SYN3: variants seen among roughly 807,000 people sequenced by gnomAD.
SYN3 encodes synapsin III, also known as synapsin-3.
A neutral mutation model predicts 65.8 loss-of-function variants in SYN3; 35 were observed. The observed-to-expected ratio is 0.53, with a 90% CI of 0.41 to 0.70. The LOEUF (loss-of-function observed/expected upper bound fraction) is 0.70. Among genes scored for constraint, SYN3 ranks in the 30% least tolerant of loss-of-function variants. The probability of loss-of-function intolerance (pLI) is 0.00; values close to 1 mark genes in which losing one functional copy is unlikely to be tolerated. For synonymous variants in SYN3, 270 were observed against 292.9 expected (o/e 0.92, Z 0.80); for missense variants, 680 against 749.0 (o/e 0.91, Z 1.08).
chr22:32,525,333 A>G lies in SYN3; in HGVS notation c.1318+2585T>C, dbSNP rs943815537. Among the ~76,000 whole-genome samples the G allele has an allele frequency of 9.2e-5, 14 of 152,314 alleles. 1 individual carries two copies. Among genetic ancestry groups the G allele is most frequent in the Admixed American group, 9.1e-4 (14 of 15,302 alleles). On this transcript the variant is annotated intron_variant, in intron 12 of 13. Coordinates refer to ENST00000358763, the MANE Select transcript of SYN3 (RefSeq NM_003490.4). ...ATGGAATTACTGCAGCCTCGTGATA[A>G]AACTTGAATTGATGAGGAGCTGCTT...
intron 3 of SYN3, among the ~76,000 whole-genome samples, chr22:32,952,592 CA>C (rs2051324378): frequency 6.6e-6 from 1 of 151,834 alleles, no homozygotes; most frequent in African/African-American, 2.4e-5. Context: ...CCTGTCTCTA[CA>C]AAAAATTTAA....
intron 6 of SYN3, among the ~76,000 whole-genome samples, chr22:32,845,916 T>G (rs1458637934): frequency 6.6e-6 from 1 of 152,122 alleles, no homozygotes; most frequent in Non-Finnish European, 1.5e-5. Flanking sequence ...GAGTACAAAA[T>G]AGCACACATT....
chr22:32,916,240 C>A (rs766404635), intron 4 of SYN3, among the ~76,000 whole-genome samples: 7 of 152,222 alleles, frequency 4.6e-5, no homozygotes, highest in Non-Finnish European at 8.8e-5. Context: ...CCAGGCAACA[C>A]TGCATGGAGC....
At chr22:32,975,542 TG>T (rs1178066625) in intron 3 of SYN3, among the ~76,000 whole-genome samples, 5 of 152,160 alleles carry the variant, frequency 3.3e-5, no homozygotes, top group Admixed American at 3.3e-4. Flanking sequence ...CAGTCCTGCC[TG>T]GGCCTCCCAA....
At chr22:32,529,539 T>A (rs16990642) in intron 10 of SYN3, among the ~76,000 whole-genome samples, 47,103 of 152,030 alleles carry the variant, frequency 0.31, 7,715 homozygotes, top group East Asian at 0.6. Context: ...GGGAAAAGCA[T>A]TCCACAGGGA....
chr22:32,763,152 T>C (rs1197689921), intron 6 of SYN3, among the ~76,000 whole-genome samples: 1 of 149,054 alleles, frequency 6.7e-6, no homozygotes, highest in African/African-American at 2.5e-5. Flanking sequence ...TTTGTTGTTG[T>C]TGTTTTTTTT....
At chr22:32,963,984 G>C (rs1009512874) in intron 3 of SYN3, among the ~76,000 whole-genome samples, 2 of 152,110 alleles carry the variant, frequency 1.3e-5, no homozygotes, top group Admixed American at 6.5e-5. Flanking sequence ...CAGCACTAGA[G>C]GGGGTGAGCC....
chr22:33,008,530 T>C (rs542774424), intron 1 of SYN3, among the ~76,000 whole-genome samples: 95 of 152,286 alleles, frequency 6.2e-4, no homozygotes, highest in African/African-American at 2.0e-3. Flanking sequence ...AGATGCAATA[T>C]GTTGTATAGC....
intron 7 of SYN3, among the ~76,000 whole-genome samples, chr22:32,588,324 C>G (rs1251330431): frequency 2.0e-5 from 3 of 152,096 alleles, no homozygotes; most frequent in Non-Finnish European, 4.4e-5. Context: ...GCCCTGAGAG[C>G]CTGAATCTAT....
intron 6 of SYN3, among the ~76,000 whole-genome samples, chr22:32,811,695 G>C (rs554595701): frequency 6.6e-6 from 1 of 152,314 alleles, no homozygotes; most frequent in South Asian, 2.1e-4. Context: ...GGTGATTGGG[G>C]GGTCGGTCAT....
chr22:32,612,263 A>G (rs1367416498), intron 6 of SYN3, among the ~76,000 whole-genome samples: 1 of 152,170 alleles, frequency 6.6e-6, no homozygotes, highest in Non-Finnish European at 1.5e-5. Flanking sequence ...GCGAACTCCA[A>G]CTCCAACTCC....
chr22:32,805,041 G>T (rs1026020791), intron 6 of SYN3, among the ~76,000 whole-genome samples: 1 of 151,998 alleles, frequency 6.6e-6, no homozygotes, highest in East Asian at 1.9e-4. Context: ...GTGTGTGTGT[G>T]CGCGTGTGTG....
At chr22:32,730,262 G>GCTGCATCAGACCATATA (rs1202693638) in intron 6 of SYN3, among the ~76,000 whole-genome samples, 1 of 152,186 alleles carries the variant, frequency 6.6e-6, no homozygotes, top group East Asian at 1.9e-4. Flanking sequence ...CTGTGAGGTG[G>GCTGCATCAGACCATATA]CTGCATCAGA....
chr22:32,703,455 G>A (rs1004231846), intron 6 of SYN3, among the ~76,000 whole-genome samples: 4 of 152,154 alleles, frequency 2.6e-5, no homozygotes, highest in African/African-American at 7.2e-5. Context: ...TGGCCAACAC[G>A]GTGAAACCCC....
intron 7 of SYN3, among the ~76,000 whole-genome samples, chr22:32,568,888 C>T (rs998693146): frequency 5.9e-5 from 9 of 152,180 alleles, no homozygotes; most frequent in African/African-American, 9.6e-5. Context: ...TGCCTGAATA[C>T]TGAGGGGCCT....
In SYN3 at chr22:32,580,227, C is replaced by G. The variant is rs373348411; in HGVS notation, c.774+16447G>C. ...CCTGAGGGCCAAAGCCAGCGCACCA[C>G]CCGTTTTTGTACAGCCCATGGGTTA... On this transcript the variant is annotated intron_variant, in intron 7 of 13. Coordinates refer to ENST00000358763, the MANE Select transcript of SYN3 (RefSeq NM_003490.4). Among the ~76,000 whole-genome samples, 61 of 152,316 alleles carry G rather than the reference C, an allele frequency of 4.0e-4. No individual in the cohort carries two copies. The South Asian group carries it at 1.0e-2, about 25-fold the overall frequency.
intron 6 of SYN3, among the ~76,000 whole-genome samples, chr22:32,761,965 G>A (rs984712272): frequency 6.6e-5 from 10 of 152,184 alleles, no homozygotes; most frequent in African/African-American, 2.4e-4. Flanking sequence ...CTCAGATGCT[G>A]GAGTGAGGAG....
chr22:32,800,926 T>G (rs1166721617), intron 6 of SYN3, among the ~76,000 whole-genome samples: 1 of 152,190 alleles, frequency 6.6e-6, no homozygotes, highest in Non-Finnish European at 1.5e-5. Context: ...TCCCCAGTCA[T>G]GTCCAACCCA....
intron 6 of SYN3, among the ~76,000 whole-genome samples, chr22:32,643,723 C>T (rs2059940547): frequency 6.6e-6 from 1 of 152,016 alleles, no homozygotes; most frequent in Non-Finnish European, 1.5e-5. Flanking sequence ...TTAGCCTTCT[C>T]ATTTGTAAAA....
Sources: allele counts gnomAD v4.1 joint callset (sites outside exome capture counted in the v4.1 genomes callset), GRCh38; gene constraint gnomAD v4.1.1; transcripts MANE v1.5; gene names NCBI Gene and HGNC (gene_info 2026-07-23, HGNC 2026-07-21).